The following CAPN8 variants were observed in gnomAD, a reference collection of about 807,000 sequenced individuals.
CAPN8 encodes calpain 8, also known as calpain-8.
In CAPN8, 87 loss-of-function variants were observed where a neutral mutation model predicts 80.9. The observed-to-expected ratio is 1.07, with a 90% CI of 0.90 to 1.28. CAPN8 has a LOEUF of 1.28. CAPN8 is among the 50% of genes most tolerant of loss of function. The pLI is 0.00. For missense variants in CAPN8, 757 were observed against 702.0 expected, an observed-to-expected ratio of 1.08 and a Z score of -0.89; for synonymous variants, 299 against 273.8, an observed-to-expected ratio of 1.09 and a Z score of -0.91.
intron 17 of CAPN8, 65 bp downstream of exon 17, chr1:223,545,166 C>T: frequency 6.4e-7 from 1 of 1,550,522 alleles, no homozygotes. Context: ...ATACAATGGA[C>T]CAGGAATGAG....
At chr1:223,652,922 C>T (rs147356840) in intron 2 of CAPN8, among the ~76,000 whole-genome samples, 34 of 152,086 alleles carry the variant, frequency 2.2e-4, no homozygotes, top group Admixed American at 3.9e-4. Flanking sequence ...ACGCTCAGGC[C>T]GCTTTTTGGA....
intron 11 of CAPN8, among the ~76,000 whole-genome samples, chr1:223,611,040 G>A (rs1657018244): frequency 6.6e-6 from 1 of 152,156 alleles, no homozygotes; most frequent in African/African-American, 2.4e-5. Flanking sequence ...GGCACTCGTA[G>A]AGCACAGGAT....
intron 2 of CAPN8, among the ~76,000 whole-genome samples, chr1:223,638,885 C>G (rs1449834932): frequency 6.6e-6 from 1 of 152,180 alleles, no homozygotes; most frequent in Non-Finnish European, 1.5e-5. Flanking sequence ...TGTACCTCAG[C>G]CTAATGGACC....
intron 10 of CAPN8, 86 bp from the exon 11 acceptor site, chr1:223,612,343 A>T: frequency 8.4e-7 from 1 of 1,190,662 alleles, no homozygotes; most frequent in Non-Finnish European, 1.1e-6. Context: ...TGTCTTGCAA[A>T]CAGACTGTGC....
At chr1:223,546,885 G>GGTGGTGGTTGTTGTT (rs973883560) in intron 16 of CAPN8, among the ~76,000 whole-genome samples, 4 of 149,908 alleles carry the variant, frequency 2.7e-5, no homozygotes, top group Admixed American at 6.6e-5. Flanking sequence ...TTTGTTTTGT[G>GGTGGTGGTTGTTGTT]GTTGTTGTTG....
In CAPN8 at chr1:223,545,821, CT is replaced by C. The variant is rs141485616; in HGVS notation, c.1765-523del. ...TGTCCAACTTACATTCACTCCACAA[CT>C]TTTTTTTTTTTTTTTTTTTTTGAGA... On this transcript the variant is annotated intron_variant, in intron 16 of 20. Transcript: ENST00000366872. 8.6e-3 allele frequency among the ~76,000 whole-genome samples: 847 copies of C among 98,548 alleles called. 3 individuals are homozygous for C. The highest frequency in any genetic ancestry group is 0.019 in the South Asian group (51 of 2,746). The allele number at this position is 98,548 out of a possible 152,430, so 64.7% of individuals were successfully genotyped here. A position where few individuals can be genotyped will look rare whatever the true frequency, so the allele number is the denominator to read the frequency against.
chr1:223,620,503 C>T (rs1020471034), intron 7 of CAPN8, among the ~76,000 whole-genome samples: 2 of 152,182 alleles, frequency 1.3e-5, no homozygotes, highest in Admixed American at 1.3e-4. Context: ...GTGCCAGGAA[C>T]ATTATGACTC....
rs112250238 is a variant in CAPN8, at chr1:223,626,624, T to C, written c.729+365A>G. Among the ~76,000 whole-genome samples, 336 of 152,278 alleles carry C rather than the reference T, an allele frequency of 2.2e-3. 4 individuals are homozygous for C. Among genetic ancestry groups the C allele is most frequent in the African/African-American group, 7.7e-3 (321 of 41,552 alleles). On this transcript the variant is annotated intron_variant, in intron 5 of 20. Transcript: ENST00000366872. ...AAGATCCATCAGGTATCATCAATCA[T>C]CACATTTGTTTTCCAAAACCTCAAG... is the stretch of plus-strand genomic sequence containing the variant.
chr1:223,638,318 C>G (rs1384588160), intron 2 of CAPN8, among the ~76,000 whole-genome samples: 1 of 152,014 alleles, frequency 6.6e-6, no homozygotes, highest in East Asian at 1.9e-4. Context: ...CCTGGGGATC[C>G]TGGAACCAGT....
rs970629518 is a variant in CAPN8, at chr1:223,544,940, GC to G, written c.1834-91del. 1.9e-6 allele frequency: 3 copies of G among 1,539,010 alleles called. No individual in the cohort carries two copies. In the African/African-American group the frequency reaches 4.1e-5, roughly 21 times the overall value. On this transcript the variant is annotated intron_variant, in intron 17 of 20. Transcript: ENST00000366872. ...CTCCACCACACTGCTTTCTCAAAAG[GC>G]CAGGGACACTTTCAAAAGGAGACCC...
At chr1:223,644,734 T>C (rs979975134) in intron 2 of CAPN8, among the ~76,000 whole-genome samples, 7 of 152,156 alleles carry the variant, frequency 4.6e-5, no homozygotes, top group Non-Finnish European at 7.4e-5. Context: ...AGCTAGGTGA[T>C]GGCTTCCTCC....
Position 223,622,903 on chromosome 1 carries a change from G to A in CAPN8, c.814-3C>T, listed in dbSNP as rs1486677303. 6.4e-7 allele frequency: 1 copy of A among 1,550,430 alleles called. No individual in the cohort carries two copies. ...TCTGGATGGCCCTGGAAATTCACCT[G>A]CAAATTCCATACACAGAAAAGCGAC... On this transcript the variant is annotated splice_polypyrimidine_tract_variant and splice_region_variant and intron_variant, in intron 6 of 20. Coordinates refer to ENST00000366872, the MANE Select transcript of CAPN8 (RefSeq NM_001143962.2).
chr1:223,545,131 G>T lies in CAPN8; in HGVS notation c.1833+100C>A. 2.6e-6 allele frequency: 4 copies of T among 1,532,886 alleles called. No homozygotes were observed. The South Asian group carries it at 4.9e-5, about 19-fold the overall frequency. 95.0% of individuals were successfully genotyped at this position (1,532,886 alleles called of 1,614,324 possible). On this transcript the variant is annotated intron_variant, in intron 17 of 20. Transcript: ENST00000366872. ...AATGTGCCCAGGACTCAATAGTTTT[G>T]ACCATGATTAAGGATGTGGTCAGAA... is the stretch of plus-strand genomic sequence containing the variant.
chr1:223,637,380 T>C (rs192424128), intron 2 of CAPN8, among the ~76,000 whole-genome samples: 262 of 152,222 alleles, frequency 1.7e-3, no homozygotes, highest in African/African-American at 5.7e-3. Flanking sequence ...TGGCTCCAGC[T>C]CTGCCATGAC....
At chr1:223,622,126 C>G (rs1572237381) in intron 7 of CAPN8, among the ~76,000 whole-genome samples, 1 of 152,118 alleles carries the variant, frequency 6.6e-6, no homozygotes, top group Non-Finnish European at 1.5e-5. Flanking sequence ...AATTCTAATT[C>G]CTCCCCCACA....
chr1:223,611,834 C>T (rs1309953783), intron 11 of CAPN8, among the ~76,000 whole-genome samples: 1 of 152,236 alleles, frequency 6.6e-6, no homozygotes, highest in Non-Finnish European at 1.5e-5. Context: ...CTGGCACATG[C>T]TTCATGGCTA....
At chr1:223,659,812 C>A (rs570808657) in intron 1 of CAPN8, among the ~76,000 whole-genome samples, 1 of 152,294 alleles carries the variant, frequency 6.6e-6, no homozygotes, top group South Asian at 2.1e-4. Flanking sequence ...GAAACTGAGT[C>A]TTGGGGTCAT....
chr1:223,618,939 CAGAACT>C (rs1657289626), intron 9 of CAPN8, among the ~76,000 whole-genome samples: 1 of 152,166 alleles, frequency 6.6e-6, no homozygotes, highest in Admixed American at 6.5e-5. Context: ...ACTGTAATCC[CAGAACT>C]TTGGGAGGCC....
At chr1:223,549,622 G>T (rs540694301) in intron 15 of CAPN8, 3 of 657,446 alleles carry the variant, frequency 4.6e-6, no homozygotes, top group South Asian at 1.6e-5. Flanking sequence ...ACCTTGGCTT[G>T]GCTCCCCACA....
Sources: gnomAD v4.1 joint callset for allele counts (sites outside exome capture counted in the v4.1 genomes callset) on GRCh38, gnomAD v4.1.1 for gene constraint, MANE v1.5 for transcripts, NCBI Gene and HGNC (gene_info 2026-07-23, HGNC 2026-07-21) for gene names.